Variants in DAP observed in about 807,000 individuals in gnomAD.
DAP encodes the protein death-associated protein 1.
A neutral mutation model predicts 13.8 loss-of-function variants in DAP; 8 were observed. The observed-to-expected ratio is 0.58, with a 90% CI of 0.34 to 1.05. The LOEUF (loss-of-function observed/expected upper bound fraction) is 1.05. Among genes scored for constraint, DAP ranks in the 50% least tolerant of loss-of-function variants. The pLI, the probability that DAP is intolerant of heterozygous loss-of-function variation, is 0.03. For synonymous variants in DAP, 47 were observed against 47.5 expected, an observed-to-expected ratio of 0.99 and a Z score of 0.04; for missense variants, 106 against 133.2, an observed-to-expected ratio of 0.80 and a Z score of 1.01.
chr5:10,681,226 T>C lies in DAP; in HGVS notation c.196-57A>G, dbSNP rs1403708068. On this transcript the variant is annotated intron_variant, in intron 3 of 3. Coordinates refer to ENST00000230895, the MANE Select transcript of DAP (RefSeq NM_004394.3). ...CAATAGGAAGCATGGGGTTTGTGGGTGAGGAAGCCCCAGGCCAGTGCCCAC... is the reference window on the plus strand; with the variant it reads ...CAATAGGAAGCATGGGGTTTGTGGGCGAGGAAGCCCCAGGCCAGTGCCCAC... 3 of 1,367,994 alleles carry C rather than the reference T, an allele frequency of 2.2e-6. No homozygotes were observed. In the African/African-American group the frequency reaches 4.4e-5, roughly 20 times the overall value. The allele number at this position is 1,367,994 out of a possible 1,614,324, so 84.7% of individuals were successfully genotyped here.
At chr5:10,725,562 A>G (rs1739269091) in intron 2 of DAP, among the ~76,000 whole-genome samples, 1 of 152,242 alleles carries the variant, frequency 6.6e-6, no homozygotes, top group African/African-American at 2.4e-5. Flanking sequence ...TGAGTTGACA[A>G]TTGGGGTAGA....
chr5:10,686,810 T>C (rs953280491), intron 2 of DAP, among the ~76,000 whole-genome samples: 1 of 152,234 alleles, frequency 6.6e-6, no homozygotes, highest in African/African-American at 2.4e-5. Flanking sequence ...AGATCATTGA[T>C]GAAAGTGGCC....
chr5:10,727,695 G>A (rs1345213941), intron 2 of DAP, among the ~76,000 whole-genome samples: 8 of 152,176 alleles, frequency 5.3e-5, no homozygotes, highest in Non-Finnish European at 1.2e-4. Flanking sequence ...GCTGTATGTA[G>A]GCAATCTGCT....
chr5:10,720,726 C>A (rs921557615), intron 2 of DAP, among the ~76,000 whole-genome samples: 1 of 152,196 alleles, frequency 6.6e-6, no homozygotes, highest in East Asian at 1.9e-4. Flanking sequence ...GCCCTCAATA[C>A]GGCACCATTC....
At chr5:10,740,392 A>C (rs1003264566) in intron 2 of DAP, among the ~76,000 whole-genome samples, 1 of 152,248 alleles carries the variant, frequency 6.6e-6, no homozygotes, top group Non-Finnish European at 1.5e-5. Context: ...ACAATGGCCA[A>C]CAATTTTTCC....
chr5:10,693,427 A>G (rs1268899256), intron 2 of DAP, among the ~76,000 whole-genome samples: 1 of 152,218 alleles, frequency 6.6e-6, no homozygotes, highest in Non-Finnish European at 1.5e-5. Context: ...TCCCTAAAGG[A>G]TAGAAATGAT....
chr5:10,692,286 TG>T (rs1269981129), intron 2 of DAP, among the ~76,000 whole-genome samples: 1 of 152,236 alleles, frequency 6.6e-6, no homozygotes, highest in Admixed American at 6.5e-5. Flanking sequence ...ATCATCGTGG[TG>T]CTCTGACAGC....
rs540494738 is a variant in DAP, at chr5:10,714,932, C to T, written c.153-31361G>A. On this transcript the variant is annotated intron_variant, in intron 2 of 3. Transcript: ENST00000230895. The stretch of plus-strand genomic sequence containing the variant: ...CCCAGAAGCACAAGTTGCCATGTTT[C>T]CTGTTCGGCCTGCAGAACCATGAGC... Among the ~76,000 whole-genome samples the T allele has an allele frequency of 7.2e-5, 11 of 152,180 alleles. No homozygotes were observed. In the South Asian group the frequency reaches 2.3e-3, roughly 32 times the overall value.
At chr5:10,725,049 T>C (rs896046888) in intron 2 of DAP, among the ~76,000 whole-genome samples, 1 of 152,208 alleles carries the variant, frequency 6.6e-6, no homozygotes, top group Non-Finnish European at 1.5e-5. Context: ...GCTGCATTTG[T>C]TTCTATCTCT....
intron 1 of DAP, among the ~76,000 whole-genome samples, chr5:10,749,218 A>G (rs978129926): frequency 6.6e-6 from 1 of 152,326 alleles, no homozygotes; most frequent in East Asian, 1.9e-4. Context: ...TCAATTAGAC[A>G]TTTGCGTTGT....
intron 2 of DAP, among the ~76,000 whole-genome samples, chr5:10,702,973 C>T (rs751328754): frequency 1.2e-4 from 19 of 152,230 alleles, no homozygotes; most frequent in Admixed American, 2.0e-4. Context: ...GCCTTGCCTC[C>T]TCAGCCAGAG....
At chr5:10,744,605 T>C (rs1739855365) in intron 2 of DAP, among the ~76,000 whole-genome samples, 1 of 152,158 alleles carries the variant, frequency 6.6e-6, no homozygotes, top group African/African-American at 2.4e-5. Flanking sequence ...TTACGTGACA[T>C]ATCAGGGGCA....
intron 2 of DAP, among the ~76,000 whole-genome samples, chr5:10,688,270 C>T (rs1460083265): frequency 6.6e-6 from 1 of 152,128 alleles, no homozygotes; most frequent in African/African-American, 2.4e-5. Flanking sequence ...GCAACCACCA[C>T]CCCAATCAGT....
intron 1 of DAP, 41 bp downstream of exon 1, chr5:10,760,973 C>T (rs1740335167): frequency 3.3e-6 from 4 of 1,195,582 alleles, no homozygotes; most frequent in Non-Finnish European, 4.2e-6. Flanking sequence ...CGAGCCCGCC[C>T]CCGGCACCCG....
chr5:10,749,743 C>CTTTTTTT (rs34643253), intron 1 of DAP, among the ~76,000 whole-genome samples: 1 of 118,638 alleles, frequency 8.4e-6, no homozygotes, highest in Non-Finnish European at 1.7e-5. Flanking sequence ...GACCACACAA[C>CTTTTTTT]TTTTTTTTTT....
At chr5:10,721,721 A>G (rs1739147362) in intron 2 of DAP, among the ~76,000 whole-genome samples, 1 of 152,232 alleles carries the variant, frequency 6.6e-6, no homozygotes, top group Non-Finnish European at 1.5e-5. Context: ...CAAAGGGAAT[A>G]CAGATTGGGT....
At chr5:10,717,950 G>A (rs1324820721) in intron 2 of DAP, among the ~76,000 whole-genome samples, 2 of 152,140 alleles carry the variant, frequency 1.3e-5, no homozygotes, top group Non-Finnish European at 2.9e-5. Flanking sequence ...CAGAATCACG[G>A]CTCCTCAATC....
chr5:10,714,778 G>T (rs905758586), intron 2 of DAP, among the ~76,000 whole-genome samples: 1 of 152,034 alleles, frequency 6.6e-6, no homozygotes, highest in Admixed American at 6.6e-5. Context: ...TTGTGAGTGA[G>T]CTCTCGTGAG....
chr5:10,714,023 G>A (rs1419314350), intron 2 of DAP, among the ~76,000 whole-genome samples: 1 of 144,974 alleles, frequency 6.9e-6, no homozygotes, highest in Non-Finnish European at 1.5e-5. Flanking sequence ...GGCATATGGG[G>A]TGTAGAACCG....
Sources: allele counts gnomAD v4.1 joint callset (sites outside exome capture counted in the v4.1 genomes callset), GRCh38; gene constraint gnomAD v4.1.1; transcripts MANE v1.5; gene names NCBI Gene and HGNC (gene_info 2026-07-23, HGNC 2026-07-21).